NBEA: variants seen among roughly 807,000 people sequenced by gnomAD.
The protein encoded by NBEA is neurobeachin, also known as lysosomal-trafficking regulator 2.
Under a neutral mutation model 343.4 loss-of-function variants are expected in NBEA, and 44 were observed. The ratio of observed to expected loss-of-function variants is 0.13; its 90% confidence interval spans 0.10 to 0.16. The LOEUF (loss-of-function observed/expected upper bound fraction) is 0.16. Among genes scored for constraint, NBEA ranks in the 10% least tolerant of loss-of-function variants. The pLI is 1.00. For missense variants in NBEA, 2,555 were observed against 3,631.3 expected, an observed-to-expected ratio of 0.70 and a Z score of 7.62; for synonymous variants, 1,175 against 1,238.7, an observed-to-expected ratio of 0.95 and a Z score of 1.08.
chr13:35,012,941 C>T (rs1280665534), intron 1 of NBEA, among the ~76,000 whole-genome samples: 2 of 152,102 alleles, frequency 1.3e-5, no homozygotes, highest in African/African-American at 4.8e-5. Flanking sequence ...AATTGAATGG[C>T]ATTAGGTTGG....
chr13:35,208,822 G>T lies in NBEA; in HGVS notation c.5489G>T (p.Gly1830Val), dbSNP rs2073573489. 8.7e-6 allele frequency: 14 copies of T among 1,605,374 alleles called. No homozygotes were observed. Among genetic ancestry groups the T allele is most frequent in the Non-Finnish European group, 1.2e-5 (14 of 1,175,028 alleles). Residue 1830 changes from glycine (G) to valine (V), a missense_variant, in exon 32 of 59, where the codon GGA (glycine) becomes GTA (valine). Physicochemically the swap from Gly to Val is moderately radical, Grantham distance 109. Transcript: ENST00000379939. ...ACCTCTAATATATTTGCTGCTACTG[G>T]AGCTACACCAAAAAGTATGATTAAT... ...GSTSNIFAAT[G>V]ATPKSMINTT...
At chr13:35,342,441 C>A (rs2039639314) in intron 36 of NBEA, among the ~76,000 whole-genome samples, 1 of 151,862 alleles carries the variant, frequency 6.6e-6, no homozygotes, top group African/African-American at 2.4e-5. Flanking sequence ...GGTTTATCCC[C>A]AAGAGAACAG....
At chr13:35,546,112 T>C (rs2079045811) in intron 41 of NBEA, among the ~76,000 whole-genome samples, 1 of 152,202 alleles carries the variant, frequency 6.6e-6, no homozygotes, top group African/African-American at 2.4e-5. Flanking sequence ...TATCGAACAG[T>C]AAATAGGATA....
At chr13:35,557,414 G>A (rs1164452802) in intron 44 of NBEA, among the ~76,000 whole-genome samples, 1 of 152,114 alleles carries the variant, frequency 6.6e-6, no homozygotes, top group Non-Finnish European at 1.5e-5. Flanking sequence ...CCTTCTAAAA[G>A]TTACACCTGA....
At chr13:35,034,163 T>G (rs1028791297) in intron 1 of NBEA, among the ~76,000 whole-genome samples, 1 of 151,906 alleles carries the variant, frequency 6.6e-6, no homozygotes, top group Non-Finnish European at 1.5e-5. Context: ...GTATATGCTT[T>G]TTGTTGTGTT....
At chr13:35,499,037 A>G (rs1418672381) in intron 41 of NBEA, among the ~76,000 whole-genome samples, 1 of 152,106 alleles carries the variant, frequency 6.6e-6, no homozygotes, top group African/African-American at 2.4e-5. Flanking sequence ...GTTAATTATA[A>G]TCACTTTAAG....
chr13:35,160,672 T>G (rs541015792), intron 22 of NBEA, among the ~76,000 whole-genome samples: 1 of 152,298 alleles, frequency 6.6e-6, no homozygotes, highest in African/African-American at 2.4e-5. Flanking sequence ...AAATTTGTTA[T>G]AAGACAATTA....
chr13:35,031,078 T>C (rs1204639035), intron 1 of NBEA, among the ~76,000 whole-genome samples: 1 of 151,670 alleles, frequency 6.6e-6, no homozygotes, highest in Non-Finnish European at 1.5e-5. Context: ...TCTCCAATAC[T>C]CTACAATTCA....
chr13:34,969,977 T>C (rs2059949230), intron 1 of NBEA, among the ~76,000 whole-genome samples: 1 of 152,142 alleles, frequency 6.6e-6, no homozygotes, highest in African/African-American at 2.4e-5. Flanking sequence ...ATTGCACTAT[T>C]TTCTACAATG....
At chr13:35,022,066 A>AAG in intron 1 of NBEA, among the ~76,000 whole-genome samples, 1 of 152,076 alleles carries the variant, frequency 6.6e-6, no homozygotes, top group Non-Finnish European at 1.5e-5. Context: ...TCATTTATGA[A>AAG]ATAGATTAGG....
intron 48 of NBEA, among the ~76,000 whole-genome samples, chr13:35,610,200 A>G (rs1384857836): frequency 6.6e-6 from 1 of 152,160 alleles, no homozygotes; most frequent in East Asian, 1.9e-4. Flanking sequence ...ACAGGCTTTA[A>G]AGATAAATTG....
chr13:35,198,513 A>G (rs1479408336), intron 31 of NBEA, among the ~76,000 whole-genome samples: 1 of 152,198 alleles, frequency 6.6e-6, no homozygotes, highest in Non-Finnish European at 1.5e-5. Context: ...TAATATTCTT[A>G]GCTACTCAAA....
At chr13:34,993,395 T>C (rs192713898) in intron 1 of NBEA, among the ~76,000 whole-genome samples, 1 of 152,368 alleles carries the variant, frequency 6.6e-6, no homozygotes, top group East Asian at 1.9e-4. Flanking sequence ...AGATGTATAA[T>C]GCAGTATTTT....
chr13:35,283,157 G>C (rs1018886519), intron 34 of NBEA, among the ~76,000 whole-genome samples: 2 of 152,042 alleles, frequency 1.3e-5, no homozygotes, highest in Admixed American at 6.6e-5. Context: ...ATTTATCTGT[G>C]AGTGTTATGA....
intron 48 of NBEA, among the ~76,000 whole-genome samples, chr13:35,610,500 AAAAG>A (rs1010981850): frequency 7.2e-5 from 11 of 152,314 alleles, no homozygotes; most frequent in African/African-American, 2.6e-4. Context: ...ATATCCAAAA[AAAAG>A]GAAGGGGAAG....
intron 34 of NBEA, among the ~76,000 whole-genome samples, chr13:35,274,481 C>T (rs2034432158): frequency 6.6e-6 from 1 of 152,180 alleles, no homozygotes; most frequent in African/African-American, 2.4e-5. Context: ...TCTCACCACT[C>T]CTATTCAACA....
chr13:35,323,564 G>T (rs1447216174), intron 36 of NBEA, among the ~76,000 whole-genome samples: 1 of 129,558 alleles, frequency 7.7e-6, no homozygotes, highest in Non-Finnish European at 1.6e-5. Context: ...GGGGCCTGTT[G>T]TGGGGTGGGG....
intron 11 of NBEA, among the ~76,000 whole-genome samples, chr13:35,099,063 T>A (rs1052568306): frequency 6.7e-6 from 1 of 149,678 alleles, no homozygotes; most frequent in Non-Finnish European, 1.5e-5. Context: ...TCTCACTCTG[T>A]CTCCCACAGT....
At chr13:35,520,826 C>T (rs958325789) in intron 41 of NBEA, among the ~76,000 whole-genome samples, 3 of 152,144 alleles carry the variant, frequency 2.0e-5, no homozygotes, top group Non-Finnish European at 2.9e-5. Flanking sequence ...AATTCTAAGT[C>T]TTTATATCAC....
Sources: allele counts gnomAD v4.1 joint callset (sites outside exome capture counted in the v4.1 genomes callset), GRCh38; gene constraint gnomAD v4.1.1; transcripts MANE v1.5; gene names NCBI Gene and HGNC (gene_info 2026-07-23, HGNC 2026-07-21).